RERE: variants seen among roughly 807,000 people sequenced by gnomAD.
The protein encoded by RERE is arginine-glutamic acid dipeptide repeats protein.
RERE carries 40 observed loss-of-function variants against 146.1 expected under a neutral mutation model. That is an observed-to-expected ratio of 0.27 (90% CI 0.21 to 0.36). The LOEUF (loss-of-function observed/expected upper bound fraction) is 0.36, where lower values mean the gene tolerates loss of function less well. Ranked by LOEUF, RERE falls within the 10% of genes least tolerant of loss-of-function variation. RERE has a pLI of 1.00. For synonymous variants in RERE, 1,003 were observed against 866.0 expected (o/e 1.16, Z -2.78); for missense variants, 1,933 against 2,138.7 (o/e 0.90, Z 1.90).
At chr1:8,625,174 C>T (rs1489052075) in intron 2 of RERE, among the ~76,000 whole-genome samples, 5 of 152,010 alleles carry the variant, frequency 3.3e-5, no homozygotes, top group Non-Finnish European at 7.4e-5. Flanking sequence ...GGCTGGTCTC[C>T]TCTCCAACTC....
At chr1:8,677,470 G>GAAAGAAAGAAAAGAAAAAAAAAAAA (rs1638870084) in intron 1 of RERE, among the ~76,000 whole-genome samples, 1 of 135,170 alleles carries the variant, frequency 7.4e-6, no homozygotes, top group African/African-American at 2.8e-5. Flanking sequence ...AAAAAAAAAA[G>GAAAGAAAGAAAAGAAAAAAAAAAAA]AAATTGTTGA....
intron 8 of RERE, among the ~76,000 whole-genome samples, chr1:8,500,012 T>C (rs534310278): frequency 6.6e-6 from 1 of 152,232 alleles, no homozygotes; most frequent in Admixed American, 6.5e-5. Flanking sequence ...GCCAGCTACT[T>C]GGGAGGGTGA....
chr1:8,466,003 A>G lies in RERE; in HGVS notation c.1125T>C (p.Asp375=). The change falls in exon 11 of 23, where the codon GAT becomes GAC. Residue 375 remains aspartate, a synonymous_variant. Transcript: ENST00000400908. ...CCAGGCGCTGCAGGGCTTTGCCAGC[A>G]TCGTAACCGCTTTCATGCAGCTAAA... ...ALNTLHESGY[D]AGKALQRLVK... 1 of 1,610,716 alleles carries G rather than the reference A, an allele frequency of 6.2e-7. No homozygotes were observed. The highest frequency in any genetic ancestry group is 8.5e-7 in the Non-Finnish European group (1 of 1,177,284).
At chr1:8,482,211 T>C (rs924253860) in intron 10 of RERE, among the ~76,000 whole-genome samples, 1 of 81,420 alleles carries the variant, frequency 1.2e-5, no homozygotes, top group African/African-American at 7.0e-5. Flanking sequence ...AAGAACCTAA[T>C]TGGATTGTAA....
chr1:8,706,538 A>C (rs1639564737), intron 1 of RERE, among the ~76,000 whole-genome samples: 1 of 152,232 alleles, frequency 6.6e-6, no homozygotes, highest in African/African-American at 2.4e-5. Context: ...CAGAGGACTA[A>C]ATCTTGTATA....
intron 12 of RERE, among the ~76,000 whole-genome samples, chr1:8,420,798 G>A (rs1643899969): frequency 6.6e-6 from 1 of 152,206 alleles, no homozygotes; most frequent in Non-Finnish European, 1.5e-5. Flanking sequence ...GAGTGATGGG[G>A]AAAGGTCTCA....
chr1:8,431,892 G>A (rs575851215), intron 11 of RERE, among the ~76,000 whole-genome samples: 2 of 152,172 alleles, frequency 1.3e-5, no homozygotes, highest in Admixed American at 6.5e-5. Flanking sequence ...AGTGCCTGGC[G>A]TGCTCTCTGT....
intron 12 of RERE, among the ~76,000 whole-genome samples, chr1:8,418,691 T>C (rs1643843821): frequency 6.6e-6 from 1 of 152,258 alleles, no homozygotes; most frequent in Admixed American, 6.5e-5. Context: ...TCTCATGATT[T>C]TGAAGAAAAC....
At chr1:8,582,890 T>C (rs1646385216) in intron 4 of RERE, among the ~76,000 whole-genome samples, 2 of 152,222 alleles carry the variant, frequency 1.3e-5, no homozygotes, top group East Asian at 3.8e-4. Context: ...GGGTCTCTTT[T>C]ACATAGATCT....
chr1:8,428,324 C>G (rs1644045910), intron 11 of RERE, among the ~76,000 whole-genome samples: 1 of 152,192 alleles, frequency 6.6e-6, no homozygotes, highest in African/African-American at 2.4e-5. Flanking sequence ...CCCAACCAAC[C>G]CAACTAGGTG....
intron 1 of RERE, among the ~76,000 whole-genome samples, chr1:8,774,951 C>CTTTCTTTTTTTTT (rs1641034952): frequency 4.2e-5 from 2 of 47,944 alleles, no homozygotes; most frequent in African/African-American, 1.4e-4. Flanking sequence ...TTCTTTCTTT[C>CTTTCTTTTTTTTT]TTTTTTTTTT....
At chr1:8,591,506 A>G (rs1235070576) in intron 4 of RERE, among the ~76,000 whole-genome samples, 1 of 152,154 alleles carries the variant, frequency 6.6e-6, no homozygotes, top group East Asian at 1.9e-4. Context: ...TTTTCAATGC[A>G]AAATGCAAAC....
rs552266394 is a variant in RERE, at chr1:8,446,502, G to C, written c.1203+19423C>G. ...GAGGAGTATCTTTGTGGTGGTCTCT[G>C]TATTTCCTGAATTTGAATGCTGGCC... On this transcript the variant is annotated intron_variant, in intron 11 of 22. Transcript: ENST00000400908. Among the ~76,000 whole-genome samples, 10 of 152,266 alleles carry C rather than the reference G, an allele frequency of 6.6e-5. 1 individual carries two copies. The highest frequency in any genetic ancestry group is 2.6e-4 in the Admixed American group (4 of 15,312).
intron 7 of RERE, among the ~76,000 whole-genome samples, chr1:8,527,946 C>A (rs1007728605): frequency 6.6e-6 from 1 of 152,196 alleles, no homozygotes; most frequent in African/African-American, 2.4e-5. Context: ...CAGGAGCCCC[C>A]GGAATCCTCT....
At chr1:8,543,128 CCTA>C (rs1475308821) in intron 6 of RERE, among the ~76,000 whole-genome samples, 6 of 152,116 alleles carry the variant, frequency 3.9e-5, no homozygotes, top group African/African-American at 1.2e-4. Context: ...AGTATTCATA[CCTA>C]CTATTTGTAG....
intron 6 of RERE, among the ~76,000 whole-genome samples, chr1:8,549,877 A>G (rs1411204739): frequency 1.3e-5 from 2 of 152,268 alleles, no homozygotes; most frequent in East Asian, 1.9e-4. Flanking sequence ...ACAATTGATC[A>G]ATAATATTTA....
chr1:8,600,054 C>T (rs1646603082), intron 4 of RERE, among the ~76,000 whole-genome samples: 2 of 152,208 alleles, frequency 1.3e-5, no homozygotes, highest in South Asian at 4.1e-4. Flanking sequence ...GGCGGTTTCC[C>T]TCACACTGTT....
chr1:8,633,856 G>A (rs1647064602), intron 2 of RERE, among the ~76,000 whole-genome samples: 1 of 152,128 alleles, frequency 6.6e-6, no homozygotes, highest in South Asian at 2.1e-4. Context: ...TTGACCACAG[G>A]AGGCAGAAGC....
chr1:8,386,484 A>T (rs1642684444), intron 12 of RERE, among the ~76,000 whole-genome samples: 1 of 151,216 alleles, frequency 6.6e-6, no homozygotes, highest in South Asian at 2.1e-4. Flanking sequence ...TCTGAAACCC[A>T]GCCAAGACAG....
Sources: gnomAD v4.1 joint callset for allele counts (sites outside exome capture counted in the v4.1 genomes callset) on GRCh38, gnomAD v4.1.1 for gene constraint, MANE v1.5 for transcripts, NCBI Gene and HGNC (gene_info 2026-07-23, HGNC 2026-07-21) for gene names.